Variants in CLRN3 observed in about 807,000 individuals in gnomAD.
CLRN3 encodes clarin 3.
Under a neutral mutation model 16.7 loss-of-function variants are expected in CLRN3, and 12 were observed. The ratio of observed to expected loss-of-function variants is 0.72; its 90% CI spans 0.46 to 1.16. The LOEUF (loss-of-function observed/expected upper bound fraction) is 1.16. CLRN3 is among the 50% of genes most tolerant of loss of function. CLRN3 has a pLI of 0.00. For synonymous variants in CLRN3, 118 were observed against 113.0 expected, an observed-to-expected ratio of 1.04 and a Z score of -0.28; for missense variants, 296 against 274.2, an observed-to-expected ratio of 1.08 and a Z score of -0.56.
rs61002511 is a variant in CLRN3, at chr10:127,889,944, A to T, written c.229+2612T>A. ...ACAGTGTGAGCTTACACCTCCTAGC[A>T]GCTCATTTTTCAGGATTCTGTCCTC... On this transcript the variant is annotated intron_variant, in intron 1 of 2. Transcript: ENST00000368671. Among the ~76,000 whole-genome samples the T allele has an allele frequency of 9.0e-3, 1,367 of 152,274 alleles. 12 individuals are homozygous for T. The highest frequency in any genetic ancestry group is 0.042 in the East Asian group (220 of 5,178).
chr10:127,888,941 C>T lies in CLRN3; in HGVS notation c.229+3615G>A, dbSNP rs187179895. 7.2e-5 allele frequency among the ~76,000 whole-genome samples: 11 copies of T among 152,288 alleles called. No homozygotes were observed. In the East Asian group the frequency reaches 1.9e-3, roughly 27 times the overall value. On this transcript the variant is annotated intron_variant, in intron 1 of 2. Coordinates refer to ENST00000368671, the MANE Select transcript of CLRN3 (RefSeq NM_152311.5). ...AAAAAACGAGCAGGTCAGGGCCTCA[C>T]CCCGCGGAGATTGCTATTCATTTGG...
Position 127,877,887 on chromosome 10 carries a change from A to G in CLRN3, c.*262T>C. 2.3e-6 allele frequency: 1 copy of G among 431,116 alleles called. No individual in the cohort carries two copies. The highest frequency in any genetic ancestry group is 4.2e-6 in the Non-Finnish European group (1 of 236,942). 26.7% of individuals were successfully genotyped at this position (431,116 alleles called of 1,614,324 possible). ...TTTTATTATTTCAGATCGTGAGACC[A>G]GGTCAGAAGGGTCGTTACGCTCATC... On this transcript the variant is annotated 3_prime_UTR_variant, in exon 3 of 3. Transcript: ENST00000368671.
At chr10:127,889,238 C>G (rs1591262560) in intron 1 of CLRN3, among the ~76,000 whole-genome samples, 1 of 152,200 alleles carries the variant, frequency 6.6e-6, no homozygotes, top group Non-Finnish European at 1.5e-5. Context: ...AGGAAGATCT[C>G]TTGAGCCCAG....
At chr10:127,883,309 C>CGT (rs1320418827) in intron 2 of CLRN3, among the ~76,000 whole-genome samples, 1 of 151,898 alleles carries the variant, frequency 6.6e-6, no homozygotes, top group African/African-American at 2.4e-5. Context: ...TGTGTGCATG[C>CGT]GTGTGCATGT....
At chr10:127,884,654 T>C (rs557382680) in intron 1 of CLRN3, among the ~76,000 whole-genome samples, 2 of 152,348 alleles carry the variant, frequency 1.3e-5, no homozygotes, top group East Asian at 3.9e-4. Flanking sequence ...GCTCCAGGCA[T>C]GGAAGGACAC....
rs79796725 is a variant in CLRN3, at chr10:127,887,341, G to C, written c.230-3466C>G. 6.7e-3 allele frequency among the ~76,000 whole-genome samples: 1,020 copies of C among 152,088 alleles called. 4 individuals are homozygous for C. Among genetic ancestry groups the C allele is most frequent in the Non-Finnish European group, 1.0e-2 (679 of 67,952 alleles). On this transcript the variant is annotated intron_variant, in intron 1 of 2. Transcript: ENST00000368671. ...GGGGACTAAATAAACTCACTCCTTA[G>C]CAAAAAAGGAGCTGTGTCCAAGGCC...
At chr10:127,890,908 G>GGTGTCAACC (rs1476261885) in intron 1 of CLRN3, among the ~76,000 whole-genome samples, 23 of 152,026 alleles carry the variant, frequency 1.5e-4, no homozygotes, top group African/African-American at 5.3e-4. Context: ...TAGGCTCTGA[G>GGTGTCAACC]AGGTCCTTAG....
intron 2 of CLRN3, among the ~76,000 whole-genome samples, chr10:127,879,498 A>G (rs896920469): frequency 6.6e-6 from 1 of 152,158 alleles, no homozygotes; most frequent in Admixed American, 6.5e-5. Context: ...CAGCTAGATG[A>G]ACTTGAACAA....
At chr10:127,881,525 T>A (rs1346497559) in intron 2 of CLRN3, among the ~76,000 whole-genome samples, 14 of 152,172 alleles carry the variant, frequency 9.2e-5, no homozygotes, top group Admixed American at 9.2e-4. Flanking sequence ...TGGCGCCTGT[T>A]TTCCCTCCAG....
chr10:127,880,609 A>G (rs1324967849), intron 2 of CLRN3, among the ~76,000 whole-genome samples: 1 of 152,218 alleles, frequency 6.6e-6, no homozygotes, highest in Non-Finnish European at 1.5e-5. Flanking sequence ...GGACAATTTT[A>G]TCCCCTGAGG....
At chr10:127,884,703 C>G (rs1042310810) in intron 1 of CLRN3, among the ~76,000 whole-genome samples, 4 of 152,218 alleles carry the variant, frequency 2.6e-5, no homozygotes, top group Admixed American at 2.0e-4. Context: ...GCTGTCAGTC[C>G]TGGGTTCCTG....
intron 2 of CLRN3, among the ~76,000 whole-genome samples, chr10:127,878,947 G>C (rs185503602): frequency 2.0e-5 from 3 of 152,266 alleles, no homozygotes. Flanking sequence ...TGCCCTGAGA[G>C]CCACAAATGC....
intron 1 of CLRN3, among the ~76,000 whole-genome samples, chr10:127,887,909 C>T (rs1266873157): frequency 2.6e-5 from 4 of 152,208 alleles, no homozygotes; most frequent in Non-Finnish European, 5.9e-5. Context: ...CCAAGAACAA[C>T]GTGGCCAAAG....
At chr10:127,886,825 TTGCAATTTC>T (rs1263815703) in intron 1 of CLRN3, among the ~76,000 whole-genome samples, 3 of 152,342 alleles carry the variant, frequency 2.0e-5, no homozygotes, top group African/African-American at 7.2e-5. Flanking sequence ...CTGGACTATT[TTGCAATTTC>T]TGCTAATAAC....
intron 2 of CLRN3, among the ~76,000 whole-genome samples, chr10:127,881,383 C>A (rs991341924): frequency 6.6e-6 from 1 of 152,170 alleles, no homozygotes; most frequent in Non-Finnish European, 1.5e-5. Context: ...TACTCTGCTG[C>A]GGAGGAGCAG....
chr10:127,888,412 G>C (rs1415352561), intron 1 of CLRN3, among the ~76,000 whole-genome samples: 1 of 152,246 alleles, frequency 6.6e-6, no homozygotes, highest in East Asian at 1.9e-4. Flanking sequence ...TGATGAACCT[G>C]CTCTCCAGGA....
rs780488023 is a variant in CLRN3, at chr10:127,878,321, CTGG to C, written c.506_508del (p.Thr169del). 1 of 1,614,062 alleles carries C rather than the reference CTGG, an allele frequency of 6.2e-7. No homozygotes were observed. ...TCCGTAACTGTGGGTCGTTCCTTTA[CTGG>C]TGGTTGCCGGGTAAAGCATTTGGAA... On this transcript the variant is annotated inframe_deletion, in exon 3 of 3. Transcript: ENST00000368671.
intron 2 of CLRN3, 25 bp downstream of exon 2, chr10:127,883,671 C>A (rs1845156900): frequency 1.3e-6 from 2 of 1,552,582 alleles, no homozygotes; most frequent in East Asian, 2.2e-5. Context: ...TTCTGCAGAG[C>A]ACCGAGTCTC....
intron 1 of CLRN3, among the ~76,000 whole-genome samples, chr10:127,889,349 C>T (rs542735852): frequency 2.6e-5 from 4 of 152,024 alleles, no homozygotes; most frequent in South Asian, 2.1e-4. Context: ...TCTTGCCGGG[C>T]GCAGTGGTTC....
Sources: allele counts gnomAD v4.1 joint callset (sites outside exome capture counted in the v4.1 genomes callset), GRCh38; gene constraint gnomAD v4.1.1; transcripts MANE v1.5; gene names NCBI Gene and HGNC (gene_info 2026-07-23, HGNC 2026-07-21).